The following AMZ2 variants were observed in gnomAD, a reference collection of about 807,000 sequenced individuals.
AMZ2 encodes archaemetzincin-2.
Under a neutral mutation model 36.7 loss-of-function variants are expected in AMZ2, and 26 were observed. The ratio of observed to expected loss-of-function variants is 0.71; its 90% CI spans 0.52 to 0.98. The LOEUF is 0.98. AMZ2 is among the 50% of genes least tolerant of loss of function. The pLI is 0.00. For missense variants in AMZ2, 394 were observed against 430.5 expected (o/e 0.92, Z 0.75); for synonymous variants, 144 against 149.1 (o/e 0.97, Z 0.25).
intron 4 of AMZ2, chr17:68,251,459 A>G (rs1406329717): frequency 6.4e-6 from 2 of 314,228 alleles, no homozygotes; most frequent in Non-Finnish European, 1.2e-5. Context: ...AAAAGTGTGG[A>G]TAAGCCTGGA....
At chr17:68,223,223 C>T (rs2073414381) in intron 1 of AMZ2, among the ~76,000 whole-genome samples, 1 of 152,114 alleles carries the variant, frequency 6.6e-6, no homozygotes, top group African/African-American at 2.4e-5. Context: ...AGATCATGCC[C>T]TCATTGGGGA....
At chr17:68,238,724 T>G in intron 1 of AMZ2, among the ~76,000 whole-genome samples, 1 of 152,198 alleles carries the variant, frequency 6.6e-6, no homozygotes, top group East Asian at 1.9e-4. Context: ...CTTTGCGATT[T>G]GTAGCATGAC....
At chr17:68,218,339 G>A (rs1324378817) in intron 1 of AMZ2, among the ~76,000 whole-genome samples, 1 of 151,414 alleles carries the variant, frequency 6.6e-6, no homozygotes, top group African/African-American at 2.4e-5. Flanking sequence ...ATAAAACTAC[G>A]TGAACACAGC....
In AMZ2 at chr17:68,248,071, G is replaced by T. The variant is rs146536009; in HGVS notation, c.-635G>T. The T allele has an allele frequency of 2.3e-5, 23 of 986,240 alleles. No individual in the cohort carries two copies. The highest frequency in any genetic ancestry group is 9.4e-5 in the South Asian group (2 of 21,360). The allele number at this position is 986,240 out of a possible 1,614,324, so 61.1% of individuals were successfully genotyped here. On this transcript the variant is annotated 5_prime_UTR_variant, in exon 1 of 7. Coordinates refer to ENST00000359904, the MANE Select transcript of AMZ2 (RefSeq NM_016627.5). Reference sequence around the variant, plus strand: ...GCGAAGGGACGCGGTGCGCATGCGCGTGAGGGCTGCCGCGGGTGGGTGGTA... The same window carrying T: ...GCGAAGGGACGCGGTGCGCATGCGCTTGAGGGCTGCCGCGGGTGGGTGGTA...
intron 1 of AMZ2, among the ~76,000 whole-genome samples, chr17:68,214,974 G>C (rs1379193684): frequency 6.6e-6 from 1 of 152,138 alleles, no homozygotes; most frequent in East Asian, 1.9e-4. Context: ...TGTAGAGACA[G>C]GGTTTCACCA....
chr17:68,247,767 C>A, upstream of AMZ2: 1 of 985,574 alleles, frequency 1.0e-6, no homozygotes, highest in Non-Finnish European at 1.2e-6. Flanking sequence ...ATCTGTGGCT[C>A]TCGAGAACCG....
intron 1 of AMZ2, among the ~76,000 whole-genome samples, chr17:68,234,352 G>A (rs542018325): frequency 6.6e-6 from 1 of 151,720 alleles, no homozygotes; most frequent in African/African-American, 2.4e-5. Context: ...GGAGGCTGGG[G>A]TGAAAGGATC....
At chr17:68,250,762 A>G in intron 2 of AMZ2, 32 bp from the exon 3 acceptor site, 2 of 1,518,170 alleles carry the variant, frequency 1.3e-6, no homozygotes, top group East Asian at 4.6e-5. Flanking sequence ...ATCATCTTAA[A>G]GTCTGTTTTT....
upstream of AMZ2, among the ~76,000 whole-genome samples, chr17:68,246,058 C>A (rs1445272936): frequency 3.0e-4 from 46 of 152,162 alleles, no homozygotes; most frequent in Admixed American, 2.4e-3. Flanking sequence ...GTAATCCCTG[C>A]ACTTTGGGAG....
chr17:68,229,073 C>T (rs2073594090), intron 1 of AMZ2, among the ~76,000 whole-genome samples: 1 of 152,248 alleles, frequency 6.6e-6, no homozygotes, highest in Non-Finnish European at 1.5e-5. Context: ...CCCTTGCTGC[C>T]TCATGGGGTG....
At chr17:68,244,734 T>C (rs1402094665), upstream of AMZ2, among the ~76,000 whole-genome samples, 1 of 152,224 alleles carries the variant, frequency 6.6e-6, no homozygotes, top group Admixed American at 6.5e-5. Context: ...CAGGGATTCT[T>C]TATACTACTT....
chr17:68,211,984 T>C (rs1170780876), intron 1 of AMZ2, among the ~76,000 whole-genome samples: 1 of 151,804 alleles, frequency 6.6e-6, no homozygotes, highest in Non-Finnish European at 1.5e-5. Flanking sequence ...GATCTATCTG[T>C]ATATCTTTAT....
At position 68,250,490 on chromosome 17, in the gene AMZ2, T is replaced by TGGTTTTGGTTC; in HGVS notation, c.283+21_283+31dup. 1 of 1,608,916 alleles carries TGGTTTTGGTTC rather than the reference T, an allele frequency of 6.2e-7. No individual in the cohort carries two copies. The highest frequency in any genetic ancestry group is 1.3e-5 in the African/African-American group (1 of 74,898). ...CCATTGGTAAATACTGGTAATGTGC[T>TGGTTTTGGTTC]GGTTTTGGTTCAGTTTTGCAGTGGC... On this transcript the variant is annotated intron_variant, in intron 2 of 6. Transcript: ENST00000359904.
chr17:68,211,740 GTATATGTA>G (rs1275068227), intron 1 of AMZ2, among the ~76,000 whole-genome samples: 3 of 124,272 alleles, frequency 2.4e-5, no homozygotes, highest in South Asian at 2.4e-4. Context: ...GTATATATGT[GTATATGTA>G]TATATGTATA....
chr17:68,213,542 T>C (rs1332517311), intron 1 of AMZ2, among the ~76,000 whole-genome samples: 4 of 152,218 alleles, frequency 2.6e-5, no homozygotes, highest in Non-Finnish European at 5.9e-5. Flanking sequence ...CACTGATTCT[T>C]GATTCTTTGT....
At chr17:68,242,798 G>A (rs1310238555) in intron 1 of AMZ2, among the ~76,000 whole-genome samples, 1 of 152,142 alleles carries the variant, frequency 6.6e-6, no homozygotes, top group Non-Finnish European at 1.5e-5. Flanking sequence ...CACTTTGGAA[G>A]GTGGAGGCAT....
At chr17:68,240,555 G>T (rs1163501798) in intron 1 of AMZ2, among the ~76,000 whole-genome samples, 1 of 152,124 alleles carries the variant, frequency 6.6e-6, no homozygotes, top group Non-Finnish European at 1.5e-5. Flanking sequence ...AATTATCAAA[G>T]AAATAATACC....
intron 1 of AMZ2, among the ~76,000 whole-genome samples, chr17:68,221,905 A>T (rs76559105): frequency 0.021 from 3,232 of 152,238 alleles, 124 homozygotes; most frequent in African/African-American, 0.072. Flanking sequence ...AAAAAGAAAA[A>T]CAAGAAGCAG....
At chr17:68,211,778 ATATATG>A (rs1201014182) in intron 1 of AMZ2, among the ~76,000 whole-genome samples, 3 of 122,160 alleles carry the variant, frequency 2.5e-5, no homozygotes, top group African/African-American at 1.3e-4. Flanking sequence ...GTGTATATGT[ATATATG>A]TATATGTATA....
Sources: gnomAD v4.1 joint callset for allele counts (sites outside exome capture counted in the v4.1 genomes callset) on GRCh38, gnomAD v4.1.1 for gene constraint, MANE v1.5 for transcripts, NCBI Gene and HGNC (gene_info 2026-07-23, HGNC 2026-07-21) for gene names.